CMC2: variants seen among roughly 807,000 people sequenced by gnomAD.
CMC2 encodes C-X9-C motif containing 2, also known as COX assembly mitochondrial protein 2 homolog.
A neutral mutation model predicts 7.5 loss-of-function variants in CMC2; 5 were observed. That is an observed-to-expected ratio of 0.66 (90% CI 0.35 to 1.40). The LOEUF (loss-of-function observed/expected upper bound fraction) is 1.40, where lower values mean the gene tolerates loss of function less well. Ranked by LOEUF, CMC2 falls within the 40% of genes most tolerant of loss-of-function variation. The probability of loss-of-function intolerance (pLI) is 0.04; values close to 1 mark genes in which losing one functional copy is unlikely to be tolerated. For missense variants in CMC2, 115 were observed against 92.3 expected, an observed-to-expected ratio of 1.25 and a Z score of -1.01; for synonymous variants, 37 against 31.4, an observed-to-expected ratio of 1.18 and a Z score of -0.60.
intron 2 of CMC2, chr16:80,988,568 G>T (rs929834225): frequency 1.7e-5 from 12 of 701,086 alleles, no homozygotes; most frequent in Admixed American, 1.4e-4. Context: ...CTTCTGAACC[G>T]AGTAAGTTGC....
chr16:81,004,334 A>T (rs1380920845), intron 1 of CMC2, among the ~76,000 whole-genome samples: 2 of 152,216 alleles, frequency 1.3e-5, no homozygotes, highest in Non-Finnish European at 2.9e-5. Flanking sequence ...ATTCCATTCA[A>T]ACTGTTATTA....
chr16:80,970,296 T>C lies in CMC2; in HGVS notation c.*5797A>G, dbSNP rs1911828831. 1 of 152,186 alleles carries C rather than the reference T, an allele frequency of 6.6e-6. No homozygotes were observed. Among genetic ancestry groups the C allele is most frequent in the South Asian group, 2.1e-4 (1 of 4,832 alleles). The allele number at this position is 152,186 out of a possible 1,614,324, so 9.4% of individuals were successfully genotyped here. The stretch of plus-strand genomic sequence containing the variant: ...CAATTCCAAATCCAAATCTCACCGA[T>C]TAATGGACATTAATTCCTATCTGGA... On this transcript the variant is annotated 3_prime_UTR_variant, in exon 4 of 4. Coordinates refer to ENST00000219400, the MANE Select transcript of CMC2 (RefSeq NM_020188.5).
rs779194447 is a variant in CMC2 at position 80,988,626 on chromosome 16, C to T, written c.82-6749G>A. The T allele has an allele frequency of 7.1e-6, 5 of 699,604 alleles. No individual in the cohort carries two copies. The South Asian group carries it at 7.5e-5, about 10-fold the overall frequency. The allele number at this position is 699,604 out of a possible 1,614,324, so 43.3% of individuals were successfully genotyped here. ...AAAAAACAAGGACTTAAATTTAAGT[C>T]TCCATACGATTACCAAAATTAGGAA... On this transcript the variant is annotated intron_variant, in intron 2 of 3. Coordinates refer to ENST00000219400, the MANE Select transcript of CMC2 (RefSeq NM_020188.5).
chr16:80,982,514 GAAAAAAAAA>G (rs758135840), intron 2 of CMC2: 11 of 39,798 alleles, frequency 2.8e-4, no homozygotes, highest in African/African-American at 9.8e-4. Context: ...TCCGTCTCAG[GAAAAAAAAA>G]AAAAAAAAAA....
intron 1 of CMC2, among the ~76,000 whole-genome samples, chr16:81,002,935 A>C (rs1968979274): frequency 1.3e-5 from 2 of 152,196 alleles, no homozygotes; most frequent in South Asian, 4.1e-4. Context: ...CTAAAGCTCT[A>C]AACACTCACC....
intron 3 of CMC2, chr16:80,980,858 G>C (rs553045117): frequency 5.9e-5 from 41 of 699,564 alleles, no homozygotes; most frequent in Admixed American, 5.2e-4. Context: ...CTGCACTCCA[G>C]CTTAGGTGAC....
intron 3 of CMC2, chr16:80,978,524 A>C: frequency 2.2e-6 from 1 of 448,260 alleles, no homozygotes; most frequent in Non-Finnish European, 3.9e-6. Context: ...AAAACAATTA[A>C]GAGGGACAAA....
chr16:80,993,203 T>C (rs1026834053), intron 2 of CMC2, among the ~76,000 whole-genome samples: 6 of 152,172 alleles, frequency 3.9e-5, no homozygotes, highest in Non-Finnish European at 8.8e-5. Flanking sequence ...AAACTGAATA[T>C]ATAAAACAAC....
chr16:81,001,807 T>C (rs1004989044), intron 1 of CMC2, among the ~76,000 whole-genome samples: 2 of 151,782 alleles, frequency 1.3e-5, no homozygotes, highest in Non-Finnish European at 2.9e-5. Context: ...CTTATAAAAA[T>C]GCAGTAGGTC....
chr16:80,986,753 C>T (rs1193242879), intron 2 of CMC2, among the ~76,000 whole-genome samples: 3 of 152,208 alleles, frequency 2.0e-5, no homozygotes, highest in Non-Finnish European at 4.4e-5. Context: ...CCAAGAATGA[C>T]AGTGGAAGTT....
Position 80,968,560 on chromosome 16 carries a change from C to G in CMC2, c.*7533G>C, listed in dbSNP as rs1911708756. The G allele has an allele frequency of 6.6e-6, 1 of 152,126 alleles. No individual in the cohort carries two copies. 9.4% of individuals were successfully genotyped at this position (152,126 alleles called of 1,614,324 possible). On this transcript the variant is annotated 3_prime_UTR_variant, in exon 4 of 4. Coordinates refer to ENST00000219400, the MANE Select transcript of CMC2 (RefSeq NM_020188.5). The stretch of plus-strand genomic sequence containing the variant: ...CATCTTCTAGGAATGAGTTAGTTCT[C>G]TAACTGTTGAAAATATAATCATTCC...
At chr16:80,992,307 C>G (rs1968063887) in intron 2 of CMC2, among the ~76,000 whole-genome samples, 1 of 152,208 alleles carries the variant, frequency 6.6e-6, no homozygotes, top group East Asian at 1.9e-4. Context: ...GCAAACAACA[C>G]TGCAGTAAAT....
chr16:80,979,405 A>G (rs1330910436), intron 3 of CMC2, among the ~76,000 whole-genome samples: 2 of 152,134 alleles, frequency 1.3e-5, no homozygotes, highest in African/African-American at 4.8e-5. Context: ...TCACTAACAG[A>G]TCTCAGGCCA....
At chr16:80,978,214 T>C in intron 3 of CMC2, 1 of 1,001,090 alleles carries the variant, frequency 1.0e-6, no homozygotes, top group East Asian at 9.6e-5. Context: ...GAAGGATACC[T>C]GCTCTGAGAA....
intron 3 of CMC2, chr16:80,981,017 CA>C: frequency 3.1e-6 from 1 of 324,426 alleles, no homozygotes; most frequent in East Asian, 4.7e-5. Flanking sequence ...AAGCAGAAAA[CA>C]AAATCAAAAG....
In CMC2 at chr16:80,978,368, C is replaced by G. The variant is rs965630233; in HGVS notation, c.154-2189G>C. 40 of 1,268,322 alleles carry G rather than the reference C, an allele frequency of 3.2e-5. No individual in the cohort carries two copies. In the African/African-American group the frequency reaches 6.1e-4, roughly 19 times the overall value. The allele number at this position is 1,268,322 out of a possible 1,614,324, so 78.6% of individuals were successfully genotyped here. On this transcript the variant is annotated intron_variant, in intron 3 of 3. Transcript: ENST00000219400. ...GTTACAAAGCAAATTAAAATATAGT[C>G]TACATTAAAATATGCTAAGACATCT...
chr16:81,005,509 T>C (rs1462622751), intron 1 of CMC2, among the ~76,000 whole-genome samples: 1 of 151,796 alleles, frequency 6.6e-6, no homozygotes, highest in Non-Finnish European at 1.5e-5. Flanking sequence ...TTTTTCAACT[T>C]TTCAAGCTAT....
intron 2 of CMC2, among the ~76,000 whole-genome samples, chr16:80,984,429 A>T (rs1967366880): frequency 6.6e-6 from 1 of 152,138 alleles, no homozygotes; most frequent in African/African-American, 2.4e-5. Flanking sequence ...CTGCTTCACC[A>T]CCATTTTAAA....
intron 2 of CMC2, among the ~76,000 whole-genome samples, chr16:80,988,111 G>C (rs1967679720): frequency 6.6e-6 from 1 of 152,158 alleles, no homozygotes. Flanking sequence ...TTGAGCCCAG[G>C]AGTTCAAGGC....
Sources: allele counts gnomAD v4.1 joint callset (sites outside exome capture counted in the v4.1 genomes callset), GRCh38; gene constraint gnomAD v4.1.1; transcripts MANE v1.5; gene names NCBI Gene and HGNC (gene_info 2026-07-23, HGNC 2026-07-21).